Variants in GLIS3 observed in about 807,000 individuals in gnomAD.
GLIS3 encodes the protein GLIS family zinc finger 3, also known as zinc finger protein GLIS3.
A neutral mutation model predicts 78.6 loss-of-function variants in GLIS3; 53 were observed. The observed-to-expected ratio is 0.67, with a 90% CI of 0.54 to 0.85. The LOEUF (loss-of-function observed/expected upper bound fraction) is 0.85. GLIS3 is among the 40% of genes least tolerant of loss of function. The pLI is 0.00. For synonymous variants in GLIS3, 684 were observed against 509.9 expected (o/e 1.34, Z -4.60); for missense variants, 1,703 against 1,231.1 (o/e 1.38, Z -5.74).
chr9:4,466,859 G>T, the GLIS3 span, among the ~76,000 whole-genome samples: 1 of 152,222 alleles, frequency 6.6e-6, no homozygotes, highest in African/African-American at 2.4e-5. Context: ...AGTGCAAGGG[G>T]GTCGGGGTAT....
At position 4,118,011 on chromosome 9, in the gene GLIS3, G is replaced by A. The variant is rs1325749363; in HGVS notation, c.1467C>T (p.Asp489=). 3.1e-6 allele frequency: 5 copies of A among 1,606,564 alleles called. No individual in the cohort carries two copies. The highest frequency in any genetic ancestry group is 1.7e-5 in the Admixed American group (1 of 59,906). Residue 489 remains aspartate (D), a synonymous_variant, in exon 4 of 11, where the codon GAC becomes GAT. Transcript: ENST00000381971. The surrounding 1 kb of genome is among the most constrained non-coding windows in gnomAD (Gnocchi z 4.7). ...QLALPQATLD[D]DGEMDGIGGK... ...CCCCGATGCCGTCCATCTCCCCGTC[G>A]TCGTCCAGGGTGGCCTGGGGCAAGG...
intron 2 of GLIS3, among the ~76,000 whole-genome samples, chr9:4,236,204 A>AAAAAGAAAG (rs536737911): frequency 4.6e-5 from 4 of 86,382 alleles, no homozygotes; most frequent in East Asian, 4.5e-4. Flanking sequence ...AAAAAAAAAA[A>AAAAAGAAAG]AAAGAAAGAA....
intron 2 of GLIS3, among the ~76,000 whole-genome samples, chr9:4,241,321 T>C (rs1823288809): frequency 6.6e-6 from 1 of 152,190 alleles, no homozygotes; most frequent in Admixed American, 6.5e-5. Context: ...TGTTTTAAAA[T>C]ACAAGGCAGA....
At chr9:4,174,291 A>G (rs951067383) in intron 2 of GLIS3, among the ~76,000 whole-genome samples, 4 of 152,218 alleles carry the variant, frequency 2.6e-5, no homozygotes, top group Non-Finnish European at 4.4e-5. Flanking sequence ...TACTTAAAAC[A>G]TAACCTGTGA....
chr9:4,329,821 C>T (rs1009653206), intron 2 of GLIS3, among the ~76,000 whole-genome samples: 1 of 152,126 alleles, frequency 6.6e-6, no homozygotes, highest in East Asian at 1.9e-4. Flanking sequence ...AGTGATGAGG[C>T]CTACTTCTGG....
the GLIS3 span, among the ~76,000 whole-genome samples, chr9:4,429,254 G>A: frequency 2.0e-5 from 3 of 152,082 alleles, no homozygotes; most frequent in Non-Finnish European, 2.9e-5. Flanking sequence ...TTCTTAAGAT[G>A]ATAAAGTTCC....
chr9:4,273,990 T>C (rs1324144771), intron 2 of GLIS3, among the ~76,000 whole-genome samples: 1 of 152,190 alleles, frequency 6.6e-6, no homozygotes, highest in Non-Finnish European at 1.5e-5. Flanking sequence ...AGCATGTCCT[T>C]GCATAGGACA....
At chr9:4,441,192 G>A in the GLIS3 span, among the ~76,000 whole-genome samples, 1 of 152,108 alleles carries the variant, frequency 6.6e-6, no homozygotes, top group African/African-American at 2.4e-5. Context: ...GTATTATGCT[G>A]AGTAAAAGTG....
chr9:4,215,117 A>T (rs572228557), intron 2 of GLIS3, among the ~76,000 whole-genome samples: 28 of 152,354 alleles, frequency 1.8e-4, no homozygotes, highest in African/African-American at 6.7e-4. Context: ...TTGGAAATGC[A>T]GTCTCATGAA....
chr9:3,928,340 C>T (rs1825387065), intron 6 of GLIS3, among the ~76,000 whole-genome samples: 1 of 152,102 alleles, frequency 6.6e-6, no homozygotes, highest in Admixed American at 6.5e-5. Context: ...CTGGGGTGGC[C>T]CTGATCATGC....
At chr9:4,036,117 A>G (rs1186131624) in intron 4 of GLIS3, 2 of 152,224 alleles carry the variant, frequency 1.3e-5, no homozygotes, top group Non-Finnish European at 2.9e-5. Context: ...GGGAATTACC[A>G]TCTGAAAAAA....
In GLIS3 at chr9:4,286,443, C is replaced by G. The variant is rs773176071; in HGVS notation, c.-18G>C. On this transcript the variant is annotated 5_prime_UTR_variant, in exon 2 of 11. Coordinates refer to ENST00000381971, the MANE Select transcript of GLIS3 (RefSeq NM_001042413.2). The stretch of plus-strand genomic sequence containing the variant: ...CCATTCATTCTGAAAAACCTGTGGC[C>G]AAGACGGTCAAATATCCAATGTCAC... The G allele has an allele frequency of 1.2e-6, 2 of 1,613,140 alleles. No homozygotes were observed. The highest frequency in any genetic ancestry group is 1.7e-6 in the Non-Finnish European group (2 of 1,180,012).
At chr9:4,368,782 C>T in the GLIS3 span, among the ~76,000 whole-genome samples, 2 of 152,154 alleles carry the variant, frequency 1.3e-5, no homozygotes, top group Non-Finnish European at 2.9e-5. Flanking sequence ...GCACTGGAGT[C>T]GGTTTTGAAG....
At chr9:4,211,339 G>A (rs1820353905) in intron 2 of GLIS3, among the ~76,000 whole-genome samples, 1 of 152,198 alleles carries the variant, frequency 6.6e-6, no homozygotes, top group African/African-American at 2.4e-5. Context: ...GGGTTTTCCA[G>A]CAGGCTCCTA....
chr9:4,264,491 T>C (rs1171596403), intron 2 of GLIS3, among the ~76,000 whole-genome samples: 3 of 152,036 alleles, frequency 2.0e-5, no homozygotes, highest in Non-Finnish European at 2.9e-5. Flanking sequence ...CTTGGAAGAG[T>C]TCCTATCACA....
chr9:3,864,927 A>C (rs1820474040), intron 8 of GLIS3, among the ~76,000 whole-genome samples: 1 of 152,104 alleles, frequency 6.6e-6, no homozygotes, highest in Non-Finnish European at 1.5e-5. Context: ...CTGAAGAATT[A>C]CTCTGCTGAA....
chr9:3,856,376 T>A (rs867849696), intron 8 of GLIS3, among the ~76,000 whole-genome samples, 192 bp from the exon 9 acceptor site: 2 of 152,278 alleles, frequency 1.3e-5, no homozygotes, highest in South Asian at 4.1e-4. Context: ...CACTGAGTTC[T>A]CAACTGAGAT....
upstream of GLIS3, among the ~76,000 whole-genome samples, chr9:4,351,846 A>G (rs1358108428): frequency 6.6e-6 from 1 of 151,552 alleles, no homozygotes; most frequent in Non-Finnish European, 1.5e-5. Flanking sequence ...TTTTCAGAGA[A>G]AATGAATGCA....
At chr9:4,427,651 G>A in the GLIS3 span, among the ~76,000 whole-genome samples, 155 of 152,200 alleles carry the variant, frequency 1.0e-3, no homozygotes, top group African/African-American at 3.6e-3. Context: ...TTGAGGCCAG[G>A]AGTTTGAGAC....
Sources: gnomAD v4.1 joint callset for allele counts (sites outside exome capture counted in the v4.1 genomes callset) on GRCh38, gnomAD v4.1.1 for gene constraint, Gnocchi (gnomAD v3.1) non-coding constraint, MANE v1.5 for transcripts, NCBI Gene and HGNC (gene_info 2026-07-23, HGNC 2026-07-21) for gene names.